Variants in SNX24 observed in about 807,000 individuals in gnomAD.
The protein encoded by SNX24 is sorting nexin-24.
A neutral mutation model predicts 28.7 loss-of-function variants in SNX24; 22 were observed. That is an observed-to-expected ratio of 0.77 (90% confidence interval 0.55 to 1.10). The LOEUF is 1.10. Ranked by LOEUF, SNX24 falls within the 50% of genes least tolerant of loss-of-function variation. The pLI is 0.00. For synonymous variants in SNX24, 69 were observed against 71.5 expected (o/e 0.96, Z 0.18); for missense variants, 221 against 201.1 (o/e 1.10, Z -0.60).
chr5:122,937,365 C>G (rs1172124213), intron 2 of SNX24, among the ~76,000 whole-genome samples: 2 of 152,058 alleles, frequency 1.3e-5, no homozygotes, highest in Non-Finnish European at 2.9e-5. Flanking sequence ...ACTGATGTTT[C>G]AGCACTAGGA....
rs536521822 is a variant in SNX24 at position 122,886,006 on chromosome 5, A to G, written c.60+40313A>G. 2.8e-3 allele frequency among the ~76,000 whole-genome samples: 418 copies of G among 151,724 alleles called. 2 individuals carry two copies. Among genetic ancestry groups the G allele is most frequent in the African/African-American group, 9.7e-3 (399 of 41,310 alleles). ...CCGACCTGCTGTGTGGCTGGTTCCT[A>G]ACAGGCCACAGACCGTTTCCCCGCG... On this transcript the variant is annotated intron_variant, in intron 1 of 6. Coordinates refer to ENST00000261369, the MANE Select transcript of SNX24 (RefSeq NM_014035.4).
intron 5 of SNX24, among the ~76,000 whole-genome samples, chr5:123,019,783 G>A (rs1240717080): frequency 6.6e-6 from 1 of 152,178 alleles, no homozygotes; most frequent in African/African-American, 2.4e-5. Context: ...AACGTGATCT[G>A]CAAAACAGTG....
At chr5:122,848,784 T>C (rs988776943) in intron 1 of SNX24, among the ~76,000 whole-genome samples, 4 of 152,196 alleles carry the variant, frequency 2.6e-5, no homozygotes, top group African/African-American at 9.6e-5. Context: ...AAGTTTAAGG[T>C]AGAAATGGGT....
In SNX24 at chr5:122,866,893, C is replaced by T. The variant is rs1005317888; in HGVS notation, c.60+21200C>T. On this transcript the variant is annotated intron_variant, in intron 1 of 6. Coordinates refer to ENST00000261369, the MANE Select transcript of SNX24 (RefSeq NM_014035.4). ...TGTTGTGTCTCCTGATGGAAGCATT[C>T]CTCACTATGGAACTATGACCTCTAG... Among the ~76,000 whole-genome samples, 2 of 152,166 alleles carry T rather than the reference C, an allele frequency of 1.3e-5. 1 individual carries two copies. Among genetic ancestry groups the T allele is most frequent in the South Asian group, 4.1e-4 (2 of 4,826 alleles).
chr5:122,936,773 T>G lies in SNX24; in HGVS notation c.100T>G (p.Phe34Val). Residue 34 changes from phenylalanine (F) to valine (V), a missense_variant, in exon 2 of 7, where the codon TTT becomes GTT. Transcript: ENST00000261369. ...AGTGCTAATGAATGGAAGAAAACAT[T>G]TTGTTGAAAAGAGATACAGCGAATT... ...IEVLMNGRKH[F>V]VEKRYSEFHA... The G allele has an allele frequency of 6.2e-7, 1 of 1,608,200 alleles. No homozygotes were observed. Among genetic ancestry groups the G allele is most frequent in the Non-Finnish European group, 8.5e-7 (1 of 1,175,856 alleles).
At position 123,019,023 on chromosome 5, in the gene SNX24, T is replaced by A. The variant is rs1349283563; in HGVS notation, n.384-10215T>A. 4.3e-5 allele frequency among the ~76,000 whole-genome samples: 6 copies of A among 139,980 alleles called. No individual in the cohort carries two copies. In the East Asian group the frequency reaches 1.2e-3, roughly 27 times the overall value. The allele number at this position is 139,980 out of a possible 152,430, so 91.8% of individuals were successfully genotyped here. A position where few individuals can be genotyped will look rare whatever the true frequency, so the allele number is the denominator to read the frequency against. ...TAAAATTCATTTTGTATTAACTCTA[T>A]TTGTCAGTTGGTCTTTTTTTCTGAC... On this transcript the variant is annotated intron_variant and non_coding_transcript_variant, in intron 5 of 5. Transcript: ENST00000502387.
At chr5:122,889,257 T>C (rs1404381681) in intron 1 of SNX24, among the ~76,000 whole-genome samples, 1 of 152,170 alleles carries the variant, frequency 6.6e-6, no homozygotes, top group Non-Finnish European at 1.5e-5. Flanking sequence ...TTTAACATCT[T>C]TCCACTTTTG....
At chr5:122,876,106 A>T (rs1756209749) in intron 1 of SNX24, among the ~76,000 whole-genome samples, 1 of 152,198 alleles carries the variant, frequency 6.6e-6, no homozygotes, top group South Asian at 2.1e-4. Context: ...TGGCCTCCCA[A>T]AGTGCTAGGA....
At chr5:122,887,058 T>G (rs1756750445) in intron 1 of SNX24, among the ~76,000 whole-genome samples, 1 of 152,214 alleles carries the variant, frequency 6.6e-6, no homozygotes, top group African/African-American at 2.4e-5. Context: ...GGCTTACATT[T>G]TATTTGCTAA....
chr5:122,868,721 A>G (rs1755838458), intron 1 of SNX24, among the ~76,000 whole-genome samples: 1 of 152,146 alleles, frequency 6.6e-6, no homozygotes, highest in Admixed American at 6.5e-5. Flanking sequence ...CAAATGAGGA[A>G]TATGTTGCCT....
chr5:122,960,861 A>G (rs1297464018), intron 3 of SNX24, among the ~76,000 whole-genome samples: 1 of 152,128 alleles, frequency 6.6e-6, no homozygotes, highest in Non-Finnish European at 1.5e-5. Flanking sequence ...ATTTTGAGTC[A>G]TGAAAACTAC....
chr5:122,959,402 A>G (rs1581798917), intron 3 of SNX24, among the ~76,000 whole-genome samples: 2 of 150,300 alleles, frequency 1.3e-5, no homozygotes, highest in East Asian at 3.9e-4. Context: ...AAAATACATA[A>G]TATATATATT....
intron 3 of SNX24, among the ~76,000 whole-genome samples, chr5:122,947,455 G>A (rs1483797323): frequency 6.6e-6 from 1 of 152,116 alleles, no homozygotes; most frequent in Non-Finnish European, 1.5e-5. Context: ...GCTCTAATAG[G>A]AAAGCTGACA....
intron 1 of SNX24, among the ~76,000 whole-genome samples, chr5:122,887,086 G>T (rs1287566198): frequency 6.6e-6 from 1 of 151,960 alleles, no homozygotes; most frequent in African/African-American, 2.4e-5. Context: ...TTTATTAATT[G>T]AAACAAGGAT....
intron 3 of SNX24, among the ~76,000 whole-genome samples, chr5:122,965,016 G>A: frequency 6.6e-6 from 1 of 152,172 alleles, no homozygotes; most frequent in Non-Finnish European, 1.5e-5. Flanking sequence ...TAATCTTCAT[G>A]TAGCATATTC....
intron 5 of SNX24, chr5:123,025,650 T>G (rs1280458043): frequency 1.1e-5 from 10 of 875,710 alleles, no homozygotes; most frequent in Non-Finnish European, 1.7e-5. Context: ...CATATATAAT[T>G]TATTCACCTT....
intron 5 of SNX24, among the ~76,000 whole-genome samples, chr5:123,016,995 TTCCC>T (rs1321062815): frequency 6.6e-6 from 1 of 152,122 alleles, no homozygotes; most frequent in African/African-American, 2.4e-5. Context: ...GCCTAGGTTT[TTCCC>T]ACCATGGTGA....
chr5:123,004,843 C>G (rs971859345), intron 6 of SNX24, among the ~76,000 whole-genome samples: 2 of 152,138 alleles, frequency 1.3e-5, no homozygotes, highest in Admixed American at 1.3e-4. Flanking sequence ...AGAGCCTGTG[C>G]TGATTCTCCC....
chr5:122,947,080 C>G (rs1759720110), intron 3 of SNX24, among the ~76,000 whole-genome samples: 1 of 152,138 alleles, frequency 6.6e-6, no homozygotes, highest in Non-Finnish European at 1.5e-5. Flanking sequence ...AATCTTGGCT[C>G]TTAAAACAAA....
Sources: allele counts gnomAD v4.1 joint callset (sites outside exome capture counted in the v4.1 genomes callset), GRCh38; gene constraint gnomAD v4.1.1; transcripts MANE v1.5; gene names NCBI Gene and HGNC (gene_info 2026-07-23, HGNC 2026-07-21).